The following SEMA4G variants were observed in gnomAD, a reference collection of about 807,000 sequenced individuals.
SEMA4G encodes semaphorin-4G.
SEMA4G carries 59 observed loss-of-function variants against 81.2 expected under a neutral mutation model. That is an observed-to-expected ratio of 0.73 (90% CI 0.59 to 0.90). The LOEUF (loss-of-function observed/expected upper bound fraction) is 0.90, where lower values mean the gene tolerates loss of function less well. Ranked by LOEUF, SEMA4G falls within the 40% of genes least tolerant of loss-of-function variation. The pLI is 0.00. For missense variants in SEMA4G, 952 were observed against 1,102.3 expected, an observed-to-expected ratio of 0.86 and a Z score of 1.93; for synonymous variants, 404 against 433.9, an observed-to-expected ratio of 0.93 and a Z score of 0.86.
At chr10:100,969,708 TCAC>T, upstream of SEMA4G, 1 of 375,792 alleles carries the variant, frequency 2.7e-6, no homozygotes, top group Non-Finnish European at 5.5e-6. Context: ...CAGGCCTTTC[TCAC>T]CACCAAGTCC....
chr10:100,984,247 C>T, exon 14 of SEMA4G: 1 of 1,451,502 alleles, frequency 6.9e-7, no homozygotes, highest in Admixed American at 2.7e-5. Context: ...ACCCTTCTCC[C>T]AACTTTTTGA....
Position 100,973,448 on chromosome 10 carries a change from C to T in SEMA4G, c.274-99C>T, listed in dbSNP as rs1850691655. 7.0e-7 allele frequency: 1 copy of T among 1,431,104 alleles called. No individual in the cohort carries two copies. The highest frequency in any genetic ancestry group is 9.7e-7 in the Non-Finnish European group (1 of 1,029,522). 88.7% of individuals were successfully genotyped at this position (1,431,104 alleles called of 1,614,324 possible). A position where few individuals can be genotyped will look rare whatever the true frequency, so the allele number is the denominator to read the frequency against. ...CAGTGTTCCTCCTGAAATTGATCCC[C>T]ACCCCAATTTCCCCAACTCTGTGGG... is the stretch of plus-strand genomic sequence containing the variant. On this transcript the variant is annotated intron_variant, in intron 2 of 13. Coordinates refer to ENST00000370250, the Ensembl canonical transcript of SEMA4G. This position sits in a 1 kb window ranked among gnomAD's most constrained non-coding sequence, Gnocchi z 5.5.
intron 3 of SEMA4G, chr10:100,975,058 G>T (rs753713866): frequency 3.7e-6 from 2 of 533,874 alleles, no homozygotes; most frequent in South Asian, 1.4e-5. Context: ...TCCATCAAAG[G>T]CTGCCTCTTG....
At chr10:100,977,855 T>A in intron 4 of SEMA4G, 125 bp downstream of exon 5, 1 of 793,600 alleles carries the variant, frequency 1.3e-6, no homozygotes, top group South Asian at 1.5e-5. Flanking sequence ...GGGACTTCCA[T>A]ACAGGGCACT....
chr10:100,982,584 G>A (rs1023833218), intron 13 of SEMA4G, among the ~76,000 whole-genome samples: 1 of 152,224 alleles, frequency 6.6e-6, no homozygotes, highest in Admixed American at 6.5e-5. Context: ...TTGAGGTCAG[G>A]AGTTCGAGAC....
Position 100,973,182 on chromosome 10 carries a change from C to T in SEMA4G, c.178C>T (p.Leu60=), listed in dbSNP as rs748287481. 8.1e-6 allele frequency: 13 copies of T among 1,613,940 alleles called. No individual in the cohort carries two copies. Among genetic ancestry groups the T allele is most frequent in the Non-Finnish European group, 7.6e-6 (9 of 1,180,046 alleles). ...CCAAGCCCAGAACTACTCAACACTG[C>T]TGCTGGAGGAGGCCTCAGCAAGGCT... Residue 60 remains leucine, a synonymous_variant, in exon 2 of 14, where the codon CTG becomes TTG. Transcript: ENST00000370250. This position sits in a 1 kb window ranked among gnomAD's most constrained non-coding sequence, Gnocchi z 5.5.
chr10:100,977,856 A>C (rs1180714242), intron 4 of SEMA4G, 126 bp downstream of exon 5: 7 of 793,932 alleles, frequency 8.8e-6, no homozygotes, highest in Non-Finnish European at 1.3e-5. Flanking sequence ...GGACTTCCAT[A>C]CAGGGCACTC....
In SEMA4G at chr10:100,973,544, T is replaced by G. The variant is rs1479255298; in HGVS notation, c.274-3T>G. 6.8e-6 allele frequency: 11 copies of G among 1,613,830 alleles called. No individual in the cohort carries two copies. The highest frequency in any genetic ancestry group is 6.7e-5 in the African/African-American group (5 of 74,878). ...ATCAGCCTATTCCCTTTGCCTCCACTAGATCCACTGGGAAGCCTCCCCAGA... is the reference window on the plus strand; with the variant it reads ...ATCAGCCTATTCCCTTTGCCTCCACGAGATCCACTGGGAAGCCTCCCCAGA... On this transcript the variant is annotated splice_region_variant and splice_polypyrimidine_tract_variant and intron_variant, in intron 2 of 13. Transcript: ENST00000370250. This position sits in a 1 kb window ranked among gnomAD's most constrained non-coding sequence, Gnocchi z 5.5.
In SEMA4G at chr10:100,973,245, G is replaced by C; in HGVS notation, c.241G>C (p.Ala81Pro). Residue 81 changes from alanine to proline, a missense_variant, in exon 2 of 14, where the codon GCC (alanine) becomes CCC (proline). Ala to Pro is a conservative substitution (Grantham distance 27). Coordinates refer to ENST00000370250, the Ensembl canonical transcript of SEMA4G. This position sits in a 1 kb window ranked among gnomAD's most constrained non-coding sequence, Gnocchi z 5.5. ...CCGAGGTGCCCTGTTCTCTCTCAGTGCCAACGACATAGGAGATGGGGCTCA... is the reference window on the plus strand; with the variant it reads ...CCGAGGTGCCCTGTTCTCTCTCAGTCCCAACGACATAGGAGATGGGGCTCA... 1 of 1,613,344 alleles carries C rather than the reference G, an allele frequency of 6.2e-7. No homozygotes were observed. The highest frequency in any genetic ancestry group is 8.5e-7 in the Non-Finnish European group (1 of 1,180,024).
exon 14 of SEMA4G, chr10:100,983,810 C>A: frequency 6.2e-7 from 1 of 1,603,802 alleles, no homozygotes; most frequent in Middle Eastern, 1.7e-4. Flanking sequence ...CAGTCTCAGG[C>A]CAGTGTCCTG....
chr10:100,981,526 G>C (rs202196427), intron 13 of SEMA4G: 2 of 1,613,892 alleles, frequency 1.2e-6, no homozygotes, highest in African/African-American at 2.7e-5. Context: ...AAGGAAGATC[G>C]GATGACTGAA....
chr10:100,979,044 G>A lies in SEMA4G; in HGVS notation c.813+26G>A, dbSNP rs183970729. On this transcript the variant is annotated intron_variant, in intron 7 of 13. Coordinates refer to ENST00000370250, the Ensembl canonical transcript of SEMA4G. Reference sequence around the variant, plus strand: ...GTGGATTGGGCTGACGTTGGGGCACGGGTATAGAGGCTGGACCTCTGACCC... The same window carrying A: ...GTGGATTGGGCTGACGTTGGGGCACAGGTATAGAGGCTGGACCTCTGACCC... The A allele has an allele frequency of 1.1e-4, 171 of 1,612,738 alleles. No individual in the cohort carries two copies. The East Asian group carries it at 2.3e-3, about 22-fold the overall frequency.
intron 3 of SEMA4G, among the ~76,000 whole-genome samples, chr10:100,977,292 G>C (rs535434166): frequency 6.6e-6 from 1 of 152,284 alleles, no homozygotes; most frequent in South Asian, 2.1e-4. Flanking sequence ...AAGAGGTGCT[G>C]AGAAGGAGCT....
At chr10:100,978,178 G>T in intron 4 of SEMA4G, 117 bp from the exon 6 acceptor site, 1 of 671,080 alleles carries the variant, frequency 1.5e-6, no homozygotes. Flanking sequence ...AGGTGCATCT[G>T]CCATACAACC....
At chr10:100,974,729 C>A (rs1419849301) in intron 3 of SEMA4G, among the ~76,000 whole-genome samples, 1 of 152,120 alleles carries the variant, frequency 6.6e-6, no homozygotes, top group East Asian at 1.9e-4. Context: ...ATTAATGAAG[C>A]ATCAGCCCTT....
exon 14 of SEMA4G, chr10:100,984,783 G>A: frequency 6.5e-7 from 1 of 1,535,846 alleles, no homozygotes; most frequent in Non-Finnish European, 8.7e-7. Context: ...CAAGAGCTTG[G>A]GAACGGGCCA....
exon 14 of SEMA4G, chr10:100,983,980 G>A (rs1331107517): frequency 9.3e-6 from 15 of 1,611,930 alleles, no homozygotes; most frequent in East Asian, 2.2e-5. Context: ...AGCCGGCTGC[G>A]GAGGATGAAT....
intron 3 of SEMA4G, among the ~76,000 whole-genome samples, chr10:100,976,491 G>T (rs1454060740): frequency 6.6e-6 from 1 of 152,160 alleles, no homozygotes; most frequent in East Asian, 1.9e-4. Context: ...AGGACTACAG[G>T]TGCATGCCAC....
At chr10:100,974,643 T>C (rs923305002) in intron 3 of SEMA4G, among the ~76,000 whole-genome samples, 26 of 152,244 alleles carry the variant, frequency 1.7e-4, no homozygotes, top group Admixed American at 9.2e-4. Context: ...AATAGTATTA[T>C]CCTGCATTTT....
Sources: allele counts gnomAD v4.1 joint callset (sites outside exome capture counted in the v4.1 genomes callset), GRCh38; gene constraint gnomAD v4.1.1; non-coding constraint Gnocchi (gnomAD v3.1); transcripts MANE v1.5; gene names NCBI Gene and HGNC (gene_info 2026-07-23, HGNC 2026-07-21).